The following AMZ1 variants were observed in gnomAD, a reference collection of about 807,000 sequenced individuals.
The protein encoded by AMZ1 is archaelysin family metallopeptidase 1, also known as archaemetzincin-1.
Under a neutral mutation model 29.9 loss-of-function variants are expected in AMZ1, and 39 were observed. The ratio of observed to expected loss-of-function variants is 1.30; its 90% CI spans 1.01 to 1.70. AMZ1 has a LOEUF of 1.70. AMZ1 is among the 40% of genes most tolerant of loss of function. The probability of loss-of-function intolerance (pLI) is 0.00; values close to 1 mark genes in which losing one functional copy is unlikely to be tolerated. For missense variants in AMZ1, 1,041 were observed against 680.6 expected (o/e 1.53, Z -5.89); for synonymous variants, 458 against 304.0 (o/e 1.51, Z -5.27).
downstream of AMZ1, among the ~76,000 whole-genome samples, chr7:2,723,630 C>A (rs1040982906): frequency 6.6e-6 from 1 of 152,198 alleles, no homozygotes; most frequent in Non-Finnish European, 1.5e-5. Context: ...CATGCCCCCT[C>A]GGCGCTCCCC....
Position 2,712,454 on chromosome 7 carries a change from C to T in AMZ1, c.1073C>T (p.Ser358Leu), listed in dbSNP as rs760684570. 1.6e-5 allele frequency: 25 copies of T among 1,611,168 alleles called. No individual in the cohort carries two copies. Among genetic ancestry groups the T allele is most frequent in the African/African-American group, 4.0e-5 (3 of 74,908 alleles). The part of the protein sequence containing the change: ...ADSGMCCESD[S>L]EPGTSVSEPL... ...TCGGGCATGTGCTGTGAGAGTGACT[C>T]GGAGCCCGGCACCAGTGTGTCGGAG... is the stretch of plus-strand genomic sequence containing the variant. The change falls in exon 7 of 7, where the codon TCG (serine) becomes TTG (leucine). Residue 358 changes from serine to leucine, a missense_variant. Transcript: ENST00000683327.
intron 4 of AMZ1, among the ~76,000 whole-genome samples, chr7:2,739,586 C>T (rs1405068625): frequency 6.6e-6 from 1 of 152,172 alleles, no homozygotes; most frequent in African/African-American, 2.4e-5. Context: ...GTGAACAGTG[C>T]TACAAACAGC....
At chr7:2,745,881 T>C (rs1463375793) in intron 4 of AMZ1, among the ~76,000 whole-genome samples, 1 of 152,122 alleles carries the variant, frequency 6.6e-6, no homozygotes, top group Non-Finnish European at 1.5e-5. Flanking sequence ...TAGTCTCTGA[T>C]AAAACAGACT....
upstream of AMZ1, among the ~76,000 whole-genome samples, chr7:2,686,269 A>C (rs745821441): frequency 1.4e-4 from 22 of 152,220 alleles, no homozygotes; most frequent in Non-Finnish European, 2.6e-4. Context: ...ACGGTGGCTC[A>C]TACCTGTGAT....
At chr7:2,701,836 C>T (rs972441741) in intron 2 of AMZ1, among the ~76,000 whole-genome samples, 4 of 152,234 alleles carry the variant, frequency 2.6e-5, no homozygotes, top group East Asian at 3.9e-4. Flanking sequence ...CCAAATCCTG[C>T]GGGTGTCCGT....
chr7:2,750,737 G>A (rs1198981125), intron 4 of AMZ1, among the ~76,000 whole-genome samples: 12 of 152,206 alleles, frequency 7.9e-5, no homozygotes. Flanking sequence ...CACACACAGT[G>A]TGAAGAGCAA....
chr7:2,715,984 A>G lies in AMZ1; in HGVS notation c.*3106A>G, dbSNP rs942922221. On this transcript the variant is annotated 3_prime_UTR_variant, in exon 7 of 7. Transcript: ENST00000683327. ...CGTCTCATCTGTCAGAAGCCCCTGC[A>G]TTCACAAGGATGGGTCTTCCAGCTT... 1 of 152,148 alleles carries G rather than the reference A, an allele frequency of 6.6e-6. No individual in the cohort carries two copies. The highest frequency in any genetic ancestry group is 2.4e-5 in the African/African-American group (1 of 41,454). 9.4% of individuals were successfully genotyped at this position (152,148 alleles called of 1,614,324 possible). A position where few individuals can be genotyped will look rare whatever the true frequency, so the allele number is the denominator to read the frequency against.
At position 2,700,673 on chromosome 7, in the gene AMZ1, C is replaced by A; in HGVS notation, c.222C>A (p.Pro74=). ...GGCTCCTGAGCCGACCCGAGGCTCC[C>A]GAGGACTTCCAGACCTTCCACGCCT... ...FDWLLSRPEA[P]EDFQTFHASL... is the part of the protein sequence containing the mutation. Residue 74 remains proline (P), a synonymous_variant, in exon 2 of 7, where the codon CCC becomes CCA. Transcript: ENST00000683327. 6.2e-7 allele frequency: 1 copy of A among 1,612,714 alleles called. No homozygotes were observed. Among genetic ancestry groups the A allele is most frequent in the South Asian group, 1.1e-5 (1 of 91,086 alleles).
intron 4 of AMZ1, among the ~76,000 whole-genome samples, chr7:2,733,266 T>G (rs970746533): frequency 2.0e-5 from 3 of 152,158 alleles, no homozygotes; most frequent in Non-Finnish European, 1.5e-5. Flanking sequence ...TTTCCTCCCC[T>G]CCCCACTGAG....
At chr7:2,685,258 T>C (rs949347460), upstream of AMZ1, among the ~76,000 whole-genome samples, 3 of 151,848 alleles carry the variant, frequency 2.0e-5, no homozygotes, top group East Asian at 3.9e-4. Context: ...AATAAGCAGC[T>C]TTAGGACAGA....
At chr7:2,748,085 C>T (rs895442064) in intron 4 of AMZ1, among the ~76,000 whole-genome samples, 6 of 150,518 alleles carry the variant, frequency 4.0e-5, no homozygotes, top group African/African-American at 9.8e-5. Context: ...CCATACTGCC[C>T]AAGGTAATTT....
upstream of AMZ1, among the ~76,000 whole-genome samples, chr7:2,760,024 A>ATAT (rs1791483451): frequency 6.6e-6 from 1 of 152,266 alleles, no homozygotes; most frequent in Admixed American, 6.5e-5. Context: ...CAGTTTTAAA[A>ATAT]GTATTTTTTA....
chr7:2,700,685 G>A lies in AMZ1; in HGVS notation c.234G>A (p.Gln78=). 1 of 1,612,960 alleles carries A rather than the reference G, an allele frequency of 6.2e-7. No individual in the cohort carries two copies. The highest frequency in any genetic ancestry group is 8.5e-7 in the Non-Finnish European group (1 of 1,180,032). Reference sequence around the variant, plus strand: ...GACCCGAGGCTCCCGAGGACTTCCAGACCTTCCACGCCTCCCTGCAGCACC... The same window carrying A: ...GACCCGAGGCTCCCGAGGACTTCCAAACCTTCCACGCCTCCCTGCAGCACC... ...LSRPEAPEDF[Q]TFHASLQHRK... Residue 78 remains glutamine (Q), a synonymous_variant, in exon 2 of 7, where the codon CAG becomes CAA. Coordinates refer to ENST00000683327, the MANE Select transcript of AMZ1 (RefSeq NM_001384743.1).
At chr7:2,756,713 C>T (rs1041023121) in intron 4 of AMZ1, among the ~76,000 whole-genome samples, 9 of 152,222 alleles carry the variant, frequency 5.9e-5, no homozygotes, top group Non-Finnish European at 5.9e-5. Flanking sequence ...CGATGACAGA[C>T]GCCCCTGTCT....
At chr7:2,706,886 G>A (rs373509177) in intron 3 of AMZ1, among the ~76,000 whole-genome samples, 26 of 152,320 alleles carry the variant, frequency 1.7e-4, no homozygotes, top group Admixed American at 1.6e-3. Context: ...TCAGGAGGCC[G>A]AGGCAGGAAG....
chr7:2,763,039 G>C (rs565030742), upstream of AMZ1: 2 of 1,250,090 alleles, frequency 1.6e-6, no homozygotes, highest in East Asian at 3.1e-5. Flanking sequence ...AGGACTCAGC[G>C]TGCCGTTCCT....
At chr7:2,705,996 G>A (rs1358202440) in intron 3 of AMZ1, among the ~76,000 whole-genome samples, 1 of 152,170 alleles carries the variant, frequency 6.6e-6, no homozygotes, top group African/African-American at 2.4e-5. Context: ...GTCCCACAAG[G>A]GTCACTCCAG....
intron 6 of AMZ1, among the ~76,000 whole-genome samples, chr7:2,711,398 A>G (rs1788765974): frequency 6.6e-6 from 1 of 152,234 alleles, no homozygotes; most frequent in African/African-American, 2.4e-5. Flanking sequence ...TGGTGTAAAC[A>G]GTCTCACGAT....
downstream of AMZ1, among the ~76,000 whole-genome samples, chr7:2,723,025 A>T (rs1346551012): frequency 6.6e-6 from 1 of 152,168 alleles, no homozygotes; most frequent in Non-Finnish European, 1.5e-5. Context: ...AAAAATCAAG[A>T]AGGTTCACTG....
Sources: gnomAD v4.1 joint callset for allele counts (sites outside exome capture counted in the v4.1 genomes callset) on GRCh38, gnomAD v4.1.1 for gene constraint, MANE v1.5 for transcripts, NCBI Gene and HGNC (gene_info 2026-07-23, HGNC 2026-07-21) for gene names.